CFAP299: variants seen among roughly 807,000 people sequenced by gnomAD.
CFAP299 encodes the protein cilia and flagella associated protein 299.
Under a neutral mutation model 27.0 loss-of-function variants are expected in CFAP299, and 21 were observed. The observed-to-expected ratio is 0.78, with a 90% CI of 0.55 to 1.12. CFAP299 has a LOEUF of 1.12. Among genes scored for constraint, CFAP299 ranks in the 50% most tolerant of loss-of-function variants. The pLI is 0.00. For synonymous variants in CFAP299, 104 were observed against 98.1 expected (o/e 1.06, Z -0.36); for missense variants, 310 against 276.6 (o/e 1.12, Z -0.86).
At chr4:80,696,266 T>C (rs1721082725) in intron 3 of CFAP299, among the ~76,000 whole-genome samples, 1 of 145,266 alleles carries the variant, frequency 6.9e-6, no homozygotes, top group Non-Finnish European at 1.5e-5. Flanking sequence ...ACCACTGCAC[T>C]CCAGCCTGGA....
intron 4 of CFAP299, among the ~76,000 whole-genome samples, chr4:80,873,724 AC>A (rs1733230546): frequency 6.6e-6 from 1 of 152,216 alleles, no homozygotes; most frequent in Non-Finnish European, 1.5e-5. Context: ...GGACAACTGT[AC>A]CATGTAGAAT....
chr4:80,683,561 TC>T (rs1719983350), intron 3 of CFAP299, among the ~76,000 whole-genome samples: 1 of 152,200 alleles, frequency 6.6e-6, no homozygotes, highest in African/African-American at 2.4e-5. Flanking sequence ...ATAAAATATC[TC>T]TTGCACATAT....
chr4:80,854,685 C>T (rs952542724), intron 3 of CFAP299, among the ~76,000 whole-genome samples: 2 of 149,972 alleles, frequency 1.3e-5, no homozygotes, highest in African/African-American at 4.9e-5. Context: ...AAAGGGTGTT[C>T]GTGAAAGTTT....
chr4:80,361,166 A>C (rs186678818), intron 1 of CFAP299, among the ~76,000 whole-genome samples: 224 of 152,370 alleles, frequency 1.5e-3, no homozygotes, highest in African/African-American at 5.0e-3. Context: ...TTTTCTCAAT[A>C]GATCATGCCA....
At chr4:80,936,173 G>C (rs1347605043) in intron 4 of CFAP299, among the ~76,000 whole-genome samples, 1 of 152,074 alleles carries the variant, frequency 6.6e-6, no homozygotes, top group African/African-American at 2.4e-5. Flanking sequence ...AAATGGGAAT[G>C]CATATACACT....
In CFAP299 at chr4:80,358,038, C is replaced by A. The variant is rs548109474; in HGVS notation, c.112-4716C>A. On this transcript the variant is annotated intron_variant, in intron 1 of 5. Transcript: ENST00000358105. ...GTCCCAGAGATTCTAGCATATTGTACCTTTGTTCTCTTTAGTTTTAAAGAG... is the reference window on the plus strand; with the variant it reads ...GTCCCAGAGATTCTAGCATATTGTAACTTTGTTCTCTTTAGTTTTAAAGAG... Among the ~76,000 whole-genome samples, 40 of 152,034 alleles carry A rather than the reference C, an allele frequency of 2.6e-4. 1 individual carries two copies. Among genetic ancestry groups the A allele is most frequent in the African/African-American group, 9.4e-4 (39 of 41,474 alleles).
At chr4:80,398,472 G>T (rs1725944297) in intron 2 of CFAP299, among the ~76,000 whole-genome samples, 1 of 152,164 alleles carries the variant, frequency 6.6e-6, no homozygotes, top group Non-Finnish European at 1.5e-5. Flanking sequence ...AAACAGCATG[G>T]TACTGGTACC....
At chr4:80,693,856 C>T (rs546444715) in intron 3 of CFAP299, among the ~76,000 whole-genome samples, 6 of 151,208 alleles carry the variant, frequency 4.0e-5, no homozygotes, top group African/African-American at 1.5e-4. Context: ...AAAAAAAACA[C>T]AGAGCATTAG....
intron 3 of CFAP299, among the ~76,000 whole-genome samples, chr4:80,821,228 A>G (rs1455894240): frequency 1.3e-5 from 2 of 152,208 alleles, no homozygotes; most frequent in African/African-American, 4.8e-5. Context: ...CTTCCTGTGC[A>G]TTATAATTTA....
At chr4:80,418,137 T>C (rs977819096) in intron 2 of CFAP299, among the ~76,000 whole-genome samples, 8 of 152,202 alleles carry the variant, frequency 5.3e-5, no homozygotes, top group African/African-American at 1.7e-4. Context: ...AAAGAGATTC[T>C]GGGCCACTGC....
chr4:80,871,479 C>A, intron 4 of CFAP299: 5 of 985,338 alleles, frequency 5.1e-6, no homozygotes, highest in Non-Finnish European at 6.0e-6. Context: ...CAATTGAGTC[C>A]TTTATGATTC....
At chr4:80,691,424 CA>C (rs1720681856) in intron 3 of CFAP299, among the ~76,000 whole-genome samples, 1 of 150,590 alleles carries the variant, frequency 6.6e-6, no homozygotes, top group African/African-American at 2.4e-5. Flanking sequence ...AGCATATAAA[CA>C]GAACCAAAGA....
chr4:80,546,628 T>C (rs1224585879), intron 2 of CFAP299, among the ~76,000 whole-genome samples: 2 of 152,176 alleles, frequency 1.3e-5, no homozygotes, highest in Non-Finnish European at 2.9e-5. Flanking sequence ...AAATCCATCA[T>C]GGCTCAGTGC....
chr4:80,472,258 A>T (rs1482497624), intron 2 of CFAP299, among the ~76,000 whole-genome samples: 3 of 152,218 alleles, frequency 2.0e-5, no homozygotes, highest in African/African-American at 7.2e-5. Flanking sequence ...TAAAGTAGAT[A>T]GTAAGCGGGG....
chr4:80,912,506 G>A (rs548082269), intron 4 of CFAP299, among the ~76,000 whole-genome samples: 1 of 152,246 alleles, frequency 6.6e-6, no homozygotes, highest in South Asian at 2.1e-4. Context: ...CATAGGCTTG[G>A]CCACCTCTGG....
chr4:80,469,594 G>A (rs537997620), intron 2 of CFAP299, among the ~76,000 whole-genome samples: 64 of 152,198 alleles, frequency 4.2e-4, no homozygotes, highest in African/African-American at 1.4e-3. Flanking sequence ...TACTAGCAAA[G>A]GTCCTCATTT....
At chr4:80,542,285 G>A (rs532370285) in intron 2 of CFAP299, among the ~76,000 whole-genome samples, 2 of 152,134 alleles carry the variant, frequency 1.3e-5, no homozygotes, top group Non-Finnish European at 2.9e-5. Context: ...TTTGCATACA[G>A]CCTATCATGG....
intron 3 of CFAP299, among the ~76,000 whole-genome samples, chr4:80,773,516 C>T (rs1166726237): frequency 6.6e-6 from 1 of 152,084 alleles, no homozygotes. Flanking sequence ...CTGATGTCTG[C>T]AGTCCATTTT....
At chr4:80,524,683 G>T (rs548652853) in intron 2 of CFAP299, among the ~76,000 whole-genome samples, 10 of 152,068 alleles carry the variant, frequency 6.6e-5, no homozygotes, top group Non-Finnish European at 1.5e-4. Flanking sequence ...CATTACCATT[G>T]CTTGTTCCCT....
Sources: gnomAD v4.1 joint callset for allele counts (sites outside exome capture counted in the v4.1 genomes callset) on GRCh38, gnomAD v4.1.1 for gene constraint, MANE v1.5 for transcripts, NCBI Gene and HGNC (gene_info 2026-07-23, HGNC 2026-07-21) for gene names.